Variants in KIRREL2 observed in about 807,000 individuals in gnomAD.
KIRREL2 encodes kirre like nephrin family adhesion molecule 2, also known as kin of IRRE-like protein 2.
In KIRREL2, 56 loss-of-function variants were observed where a neutral mutation model predicts 73.4. That is an observed-to-expected ratio of 0.76 (90% CI 0.62 to 0.95). The LOEUF (loss-of-function observed/expected upper bound fraction) is 0.95, where lower values mean the gene tolerates loss of function less well. Among genes scored for constraint, KIRREL2 ranks in the 40% least tolerant of loss-of-function variants. The probability of loss-of-function intolerance (pLI) is 0.00; values close to 1 mark genes in which losing one functional copy is unlikely to be tolerated. For missense variants in KIRREL2, 896 were observed against 935.0 expected, an observed-to-expected ratio of 0.96 and a Z score of 0.54; for synonymous variants, 407 against 404.0, an observed-to-expected ratio of 1.01 and a Z score of -0.09.
At chr19:35,860,861 T>G in intron 7 of KIRREL2, 48 bp from the exon 8 acceptor site, 1 of 1,611,134 alleles carries the variant, frequency 6.2e-7, no homozygotes, top group Admixed American at 1.7e-5. Flanking sequence ...CCCAGGTCAG[T>G]GGCTGCATTC....
chr19:35,859,848 C>T (rs140315516), intron 5 of KIRREL2, among the ~76,000 whole-genome samples: 236 of 152,278 alleles, frequency 1.5e-3, no homozygotes, highest in African/African-American at 5.0e-3. Context: ...AGTTCGAGAC[C>T]AGTCTGGCTA....
rs200047199 is a variant in KIRREL2, at chr19:35,861,077, G to A, written c.1056+41G>A. ...TGAGGCGGTGGCTGGAGGGGGACCA[G>A]GCTTCCTTACAAATCCGGCTTCTGA... is the stretch of plus-strand genomic sequence containing the variant. On this transcript the variant is annotated intron_variant, in intron 8 of 14. Coordinates refer to ENST00000360202, the MANE Select transcript of KIRREL2 (RefSeq NM_199180.4). 88 of 1,606,544 alleles carry A rather than the reference G, an allele frequency of 5.5e-5. No individual in the cohort carries two copies. In the Middle Eastern group the frequency reaches 1.3e-3, roughly 24 times the overall value.
At position 35,861,254 on chromosome 19, in the gene KIRREL2, G is replaced by C; in HGVS notation, c.1189G>C (p.Ala397Pro). The change falls in exon 9 of 15, where the codon GCT (alanine) becomes CCT (proline). Residue 397 changes from alanine to proline, a missense_variant and splice_region_variant. By Grantham distance (27) the Ala-to-Pro change is conservative. Coordinates refer to ENST00000360202, the MANE Select transcript of KIRREL2 (RefSeq NM_199180.4). ...CGCGGAGGCTCGGCTGACTGTGAAC[G>C]GTGAGAAGGCGGGGCTTCCTAGGGG... ...GAAEARLTVN[A>P]PPVVTALHSA... 2.0e-6 allele frequency: 3 copies of C among 1,526,926 alleles called. No homozygotes were observed. Among genetic ancestry groups the C allele is most frequent in the Non-Finnish European group, 2.6e-6 (3 of 1,147,812 alleles). 94.6% of individuals were successfully genotyped at this position (1,526,926 alleles called of 1,614,324 possible). A position where few individuals can be genotyped will look rare whatever the true frequency, so the allele number is the denominator to read the frequency against.
At chr19:35,858,652 A>G (rs1212334189) in intron 3 of KIRREL2, 52 bp from the exon 4 acceptor site, 7 of 1,609,232 alleles carry the variant, frequency 4.3e-6, no homozygotes, top group Admixed American at 3.3e-5. Context: ...GGCATGGTCA[A>G]TTGGAGCTGA....
chr19:35,864,736 C>A, intron 14 of KIRREL2, 23 bp downstream of exon 14: 2 of 1,565,694 alleles, frequency 1.3e-6, no homozygotes, highest in Non-Finnish European at 1.8e-6. Flanking sequence ...AGGGGTGGGG[C>A]TCCCTTCACT....
rs61660390 is a variant in KIRREL2, at chr19:35,864,205, T to TG, written c.1726-443_1726-442insG. Among the ~76,000 whole-genome samples the TG allele has an allele frequency of 9.2e-3, 1,389 of 151,612 alleles. 19 individuals are homozygous for TG. The highest frequency in any genetic ancestry group is 0.032 in the African/African-American group (1,299 of 41,228). On this transcript the variant is annotated intron_variant, in intron 13 of 14. Transcript: ENST00000360202. ...TTGTTGTTGTTGTTGTTGTTGTTGT[T>TG]TTTGAGATAGAGTCTTGCTCTGTCG... is the stretch of plus-strand genomic sequence containing the variant.
intron 14 of KIRREL2, among the ~76,000 whole-genome samples, chr19:35,865,570 G>T (rs760647944): frequency 6.6e-6 from 1 of 152,150 alleles, no homozygotes; most frequent in African/African-American, 2.4e-5. Context: ...CCATGCTTCC[G>T]TCATGACAGC....
At chr19:35,859,666 G>A (rs777937817) in intron 5 of KIRREL2, 35 bp downstream of exon 5, 15 of 1,609,790 alleles carry the variant, frequency 9.3e-6, no homozygotes, top group Non-Finnish European at 1.3e-5. Context: ...GAGGGGTGTG[G>A]GGCCCTGACT....
Position 35,866,142 on chromosome 19 carries a change from C to A in KIRREL2, c.1792-15C>A. ...CACGCTCACAGACTTTACTGAGTCC[C>A]ATTTGTCCCCTCAGGACCCAACCAA... On this transcript the variant is annotated splice_polypyrimidine_tract_variant and intron_variant, in intron 14 of 14. Transcript: ENST00000360202. 10 of 1,593,602 alleles carry A rather than the reference C, an allele frequency of 6.3e-6. No individual in the cohort carries two copies. The highest frequency in any genetic ancestry group is 8.5e-6 in the Non-Finnish European group (10 of 1,175,078).
At chr19:35,855,206 C>T (rs138432650), upstream of KIRREL2, among the ~76,000 whole-genome samples, 652 of 152,104 alleles carry the variant, frequency 4.3e-3, 2 homozygotes, top group African/African-American at 0.014. Flanking sequence ...GGCTGGATGC[C>T]GAGCTGGGGG....
rs1385119159 is a variant in KIRREL2 at position 35,860,312 on chromosome 19, CTCTG to C, written c.694_697del (p.Ser232LeufsTer44). On this transcript the variant is annotated frameshift_variant, in exon 6 of 15. Coordinates refer to ENST00000360202, the MANE Select transcript of KIRREL2 (RefSeq NM_199180.4). LOFTEE classifies it high-confidence loss of function. Reference sequence around the variant, plus strand: ...ACCCTCACAGACCCCCCAGAGGTGACTCTGTCTGCTTCGCCACACACTGTGCAGG... The same window carrying C: ...ACCCTCACAGACCCCCCAGAGGTGACTCTGCTTCGCCACACACTGTGCAGG... 5.0e-6 allele frequency: 8 copies of C among 1,613,938 alleles called. No homozygotes were observed. Among genetic ancestry groups the C allele is most frequent in the Non-Finnish European group, 6.8e-6 (8 of 1,179,974 alleles).
chr19:35,861,471 AC>A, intron 9 of KIRREL2, 69 bp from the exon 10 acceptor site: 1 of 1,533,054 alleles, frequency 6.5e-7, no homozygotes. Flanking sequence ...CGCTGGACAG[AC>A]CCGGCTTTGT....
Position 35,857,414 on chromosome 19 carries a change from C to T in KIRREL2, c.131C>T (p.Pro44Leu), listed in dbSNP as rs1973469339. The T allele has an allele frequency of 1.9e-6, 3 of 1,612,902 alleles. No individual in the cohort carries two copies. The highest frequency in any genetic ancestry group is 1.7e-6 in the Non-Finnish European group (2 of 1,179,966). The change falls in exon 2 of 15, where the codon CCG (proline) becomes CTG (leucine). Residue 44 changes from proline to leucine, a missense_variant. Coordinates refer to ENST00000360202, the MANE Select transcript of KIRREL2 (RefSeq NM_199180.4). ...VVLLGEEARL[P>L]CALGAYWGLV... ...CTGCTGGGGGAGGAAGCCCGGCTGC[C>T]GTGTGCTCTGGGCGCCTACTGGGGG...
upstream of KIRREL2, among the ~76,000 whole-genome samples, chr19:35,855,042 C>T (rs115103389): frequency 2.0e-5 from 3 of 152,148 alleles, no homozygotes; most frequent in Non-Finnish European, 4.4e-5. Flanking sequence ...CCAAGACCCC[C>T]GCCAATATCG....
Position 35,859,726 on chromosome 19 carries a change from T to C in KIRREL2, c.673+95T>C, listed in dbSNP as rs537283627. ...TGTGGCCCTTGGGGAATGAGGAAAC[T>C]GGAGCCTGGACTCCTGGATCTAAGA... On this transcript the variant is annotated intron_variant, in intron 5 of 14. Coordinates refer to ENST00000360202, the MANE Select transcript of KIRREL2 (RefSeq NM_199180.4). 198 of 1,410,358 alleles carry C rather than the reference T, an allele frequency of 1.4e-4. No individual in the cohort carries two copies. The African/African-American group carries it at 2.1e-3, about 15-fold the overall frequency. 87.4% of individuals were successfully genotyped at this position (1,410,358 alleles called of 1,614,324 possible). A position where few individuals can be genotyped will look rare whatever the true frequency, so the allele number is the denominator to read the frequency against.
rs1424023613 is a variant in KIRREL2 at position 35,861,197 on chromosome 19, G to A, written c.1132G>A (p.Glu378Lys). 13 of 1,557,442 alleles carry A rather than the reference G, an allele frequency of 8.3e-6. No individual in the cohort carries two copies. The highest frequency in any genetic ancestry group is 2.8e-5 in the African/African-American group (2 of 72,690). Residue 378 changes from glutamate (E) to lysine (K), a missense_variant, in exon 9 of 15, where the codon GAG becomes AAG. Coordinates refer to ENST00000360202, the MANE Select transcript of KIRREL2 (RefSeq NM_199180.4). ...CGCAGGCGACTATGTGTGCAGAGCT[G>A]AGGCTGGGCTATCGGGCCTGCGGGG... ...EDAGDYVCRA[E>K]AGLSGLRGGA...
At chr19:35,861,458 G>A in intron 9 of KIRREL2, 83 bp from the exon 10 acceptor site, 1 of 1,490,494 alleles carries the variant, frequency 6.7e-7, no homozygotes, top group Non-Finnish European at 9.2e-7. Flanking sequence ...TTAGCGGAGA[G>A]TGCGCTGGAC....
rs752338356 is a variant in KIRREL2, at chr19:35,861,142, A to G, written c.1077A>G (p.Thr359=). 20 of 1,598,910 alleles carry G rather than the reference A, an allele frequency of 1.3e-5. No individual in the cohort carries two copies. Among genetic ancestry groups the G allele is most frequent in the Non-Finnish European group, 1.7e-5 (20 of 1,173,408 alleles). Reference sequence around the variant, plus strand: ...CGCAGGTGCTGGGCTCTGGAGCCACACTGCGTCTTCCGTCGGTGGGGCCCG... The same window carrying G: ...CGCAGGTGCTGGGCTCTGGAGCCACGCTGCGTCTTCCGTCGGTGGGGCCCG... ...GGAQVLGSGA[T]LRLPSVGPED... is the part of the protein sequence containing the mutation. Residue 359 remains threonine (T), a synonymous_variant, in exon 9 of 15, where the codon ACA becomes ACG. Transcript: ENST00000360202.
At chr19:35,862,393 G>A (rs1415438247) in intron 11 of KIRREL2, 100 bp from the exon 12 acceptor site, 4 of 883,986 alleles carry the variant, frequency 4.5e-6, no homozygotes, top group East Asian at 2.4e-5. Context: ...ATCTTCAAAT[G>A]TGCGACCTTT....
Sources: allele counts gnomAD v4.1 joint callset (sites outside exome capture counted in the v4.1 genomes callset), GRCh38; gene constraint gnomAD v4.1.1; transcripts MANE v1.5; gene names NCBI Gene and HGNC (gene_info 2026-07-23, HGNC 2026-07-21).